MARCHF1: variants seen among roughly 807,000 people sequenced by gnomAD.
The protein encoded by MARCHF1 is E3 ubiquitin-protein ligase MARCHF1.
MARCHF1 carries 40 observed loss-of-function variants against 54.2 expected under a neutral mutation model. The ratio of observed to expected loss-of-function variants is 0.74; its 90% CI spans 0.57 to 0.96. The LOEUF is 0.96. Ranked by LOEUF, MARCHF1 falls within the 40% of genes least tolerant of loss-of-function variation. The pLI, the probability that MARCHF1 is intolerant of heterozygous loss-of-function variation, is 0.00. For missense variants in MARCHF1, 586 were observed against 656.5 expected, an observed-to-expected ratio of 0.89 and a Z score of 1.17; for synonymous variants, 236 against 236.3, an observed-to-expected ratio of 1.00 and a Z score of 0.01.
rs1265875127 is a variant in MARCHF1, at chr4:164,065,879, G to A, written c.-248+45709C>T. On this transcript the variant is annotated intron_variant, in intron 2 of 9. Transcript: ENST00000514618. The stretch of plus-strand genomic sequence containing the variant: ...AGTATCCGGTGTGGGAAAAATATAA[G>A]AGCCAGAAGATTCAGCAAGCCAGCT... Among the ~76,000 whole-genome samples the A allele has an allele frequency of 5.9e-5, 9 of 152,304 alleles. No homozygotes were observed. The East Asian group carries it at 7.7e-4, about 13-fold the overall frequency.
chr4:163,688,827 C>T (rs1221836478), intron 5 of MARCHF1, among the ~76,000 whole-genome samples: 1 of 152,088 alleles, frequency 6.6e-6, no homozygotes, highest in Non-Finnish European at 1.5e-5. Flanking sequence ...TGAATGTATG[C>T]TCTTATTTCA....
intron 3 of MARCHF1, among the ~76,000 whole-genome samples, chr4:163,936,150 T>C (rs1751790347): frequency 6.6e-6 from 1 of 152,138 alleles, no homozygotes; most frequent in African/African-American, 2.4e-5. Flanking sequence ...AACAGTCTTA[T>C]GTAGGCATGA....
At chr4:163,890,893 T>C (rs926376040) in intron 3 of MARCHF1, among the ~76,000 whole-genome samples, 2 of 146,162 alleles carry the variant, frequency 1.4e-5, no homozygotes, top group African/African-American at 5.0e-5. Context: ...CAAACCTCAG[T>C]TTTTTTTTTT....
At chr4:163,914,291 G>T (rs1349447045) in intron 3 of MARCHF1, among the ~76,000 whole-genome samples, 1 of 152,066 alleles carries the variant, frequency 6.6e-6, no homozygotes, top group Non-Finnish European at 1.5e-5. Context: ...TGTTTAAAGA[G>T]AATGCAAAAA....
chr4:164,113,668 A>T (rs1290766092), intron 1 of MARCHF1, among the ~76,000 whole-genome samples: 1 of 151,996 alleles, frequency 6.6e-6, no homozygotes, highest in Non-Finnish European at 1.5e-5. Context: ...AGGTACGTCT[A>T]TCTGATAAAT....
intron 1 of MARCHF1, among the ~76,000 whole-genome samples, chr4:164,381,659 G>A (rs931246649): frequency 6.6e-6 from 1 of 152,152 alleles, no homozygotes; most frequent in Admixed American, 6.5e-5. Context: ...CATATTGTAT[G>A]TAAATGTAGA....
chr4:164,073,575 C>T (rs1424508699), intron 2 of MARCHF1, among the ~76,000 whole-genome samples: 1 of 151,912 alleles, frequency 6.6e-6, no homozygotes, highest in Non-Finnish European at 1.5e-5. Context: ...CAGCAAACCA[C>T]CATGGCACAT....
At chr4:163,887,970 A>G (rs1324057745) in intron 3 of MARCHF1, among the ~76,000 whole-genome samples, 7 of 152,208 alleles carry the variant, frequency 4.6e-5, no homozygotes, top group Non-Finnish European at 1.0e-4. Context: ...ACAATGATAT[A>G]AAGTGTGTTT....
At chr4:163,810,538 T>C (rs1748355365) in intron 4 of MARCHF1, among the ~76,000 whole-genome samples, 2 of 152,190 alleles carry the variant, frequency 1.3e-5, no homozygotes, top group Admixed American at 6.5e-5. Context: ...CAATTGCTAG[T>C]TGCTTCCTGA....
At chr4:164,374,153 AT>A (rs1190350708) in intron 1 of MARCHF1, among the ~76,000 whole-genome samples, 1 of 152,166 alleles carries the variant, frequency 6.6e-6, no homozygotes, top group Non-Finnish European at 1.5e-5. Flanking sequence ...TTTTCGCATC[AT>A]TTTTTCCTCT....
At chr4:163,534,076 T>C (rs1738451236) in intron 9 of MARCHF1, among the ~76,000 whole-genome samples, 1 of 151,994 alleles carries the variant, frequency 6.6e-6, no homozygotes, top group African/African-American at 2.4e-5. Flanking sequence ...CTAATATAGG[T>C]TTAAGCTTTA....
intron 3 of MARCHF1, among the ~76,000 whole-genome samples, chr4:163,925,856 A>G (rs978166895): frequency 6.6e-6 from 1 of 151,694 alleles, no homozygotes; most frequent in African/African-American, 2.4e-5. Context: ...TCCTGTTAAT[A>G]AAGAAAAAAT....
chr4:164,174,308 T>C (rs538791821), intron 1 of MARCHF1, among the ~76,000 whole-genome samples: 54 of 152,316 alleles, frequency 3.5e-4, no homozygotes, highest in Middle Eastern at 6.8e-3. Context: ...ATGTAAGTAA[T>C]GGGGTTGATT....
At chr4:163,684,306 C>T (rs560691063) in intron 5 of MARCHF1, among the ~76,000 whole-genome samples, 1 of 152,228 alleles carries the variant, frequency 6.6e-6, no homozygotes, top group East Asian at 1.9e-4. Flanking sequence ...CTAGAAAAAT[C>T]ATGAAATATC....
intron 5 of MARCHF1, among the ~76,000 whole-genome samples, chr4:163,692,598 A>AT (rs1744499387): frequency 6.6e-6 from 1 of 151,794 alleles, no homozygotes; most frequent in Non-Finnish European, 1.5e-5. Flanking sequence ...TTGGCCCCTG[A>AT]AAGAATTTAT....
Position 163,816,380 on chromosome 4 carries a change from T to C in MARCHF1, c.111+37641A>G, listed in dbSNP as rs558153607. Among the ~76,000 whole-genome samples the C allele has an allele frequency of 3.0e-3, 90 of 29,794 alleles. No individual in the cohort carries two copies. The South Asian group carries it at 0.21, about 71-fold the overall frequency. 19.5% of individuals were successfully genotyped at this position (29,794 alleles called of 152,430 possible). A position where few individuals can be genotyped will look rare whatever the true frequency, so the allele number is the denominator to read the frequency against. ...AGATGAGTGAAATAGTACCTTCTGGTGTTTTTTTTTTTATAAATAGTATTC... is the reference window on the plus strand; with the variant it reads ...AGATGAGTGAAATAGTACCTTCTGGCGTTTTTTTTTTTATAAATAGTATTC... On this transcript the variant is annotated intron_variant, in intron 4 of 9. Transcript: ENST00000514618.
At chr4:163,989,204 C>T (rs1031124695) in intron 2 of MARCHF1, among the ~76,000 whole-genome samples, 11 of 152,076 alleles carry the variant, frequency 7.2e-5, no homozygotes, top group African/African-American at 2.2e-4. Flanking sequence ...CTGGCTGTGT[C>T]CTTCATGCAT....
chr4:164,158,279 T>A (rs113859792), intron 1 of MARCHF1, among the ~76,000 whole-genome samples: 12 of 152,308 alleles, frequency 7.9e-5, no homozygotes, highest in African/African-American at 2.6e-4. Flanking sequence ...ACAAATTCAT[T>A]TTTAAAGTGA....
At chr4:163,937,534 T>C (rs1245886788) in intron 3 of MARCHF1, among the ~76,000 whole-genome samples, 1 of 151,518 alleles carries the variant, frequency 6.6e-6, no homozygotes, top group Non-Finnish European at 1.5e-5. Flanking sequence ...ATATAACACA[T>C]GCATGCATGC....
Sources: gnomAD v4.1 joint callset for allele counts (sites outside exome capture counted in the v4.1 genomes callset) on GRCh38, gnomAD v4.1.1 for gene constraint, MANE v1.5 for transcripts, NCBI Gene and HGNC (gene_info 2026-07-23, HGNC 2026-07-21) for gene names.